The following JAK2 variants were observed in gnomAD, a reference collection of about 807,000 sequenced individuals.
The protein encoded by JAK2 is tyrosine-protein kinase JAK2.
A neutral mutation model predicts 139.3 loss-of-function variants in JAK2; 86 were observed. That is an observed-to-expected ratio of 0.62 (90% confidence interval 0.52 to 0.74). The LOEUF is 0.74. JAK2 is among the 30% of genes least tolerant of loss of function. The pLI is 0.00. For synonymous variants in JAK2, 490 were observed against 437.7 expected (o/e 1.12, Z -1.49); for missense variants, 1,421 against 1,360.3 (o/e 1.04, Z -0.70).
At chr9:5,111,684 G>T in intron 22 of JAK2, 1 of 425,382 alleles carries the variant, frequency 2.4e-6, no homozygotes, top group Non-Finnish European at 4.7e-6. Context: ...GTGGGCAGTG[G>T]CGGAGGCAGC....
intron 8 of JAK2, among the ~76,000 whole-genome samples, chr9:5,056,790 A>G (rs1817797461): frequency 6.6e-6 from 1 of 152,158 alleles, no homozygotes; most frequent in Admixed American, 6.6e-5. Flanking sequence ...ATGTGAACAA[A>G]CTGTAGTAAC....
At chr9:5,024,621 A>G (rs1042931474) in intron 3 of JAK2, among the ~76,000 whole-genome samples, 6 of 151,436 alleles carry the variant, frequency 4.0e-5, no homozygotes, top group Non-Finnish European at 8.8e-5. Context: ...TCCCAAATAA[A>G]CTCTCCTCTG....
At chr9:4,996,560 A>G (rs561704279) in intron 2 of JAK2, among the ~76,000 whole-genome samples, 5 of 151,512 alleles carry the variant, frequency 3.3e-5, no homozygotes, top group African/African-American at 1.2e-4. Flanking sequence ...GGTATTGTAG[A>G]TTTTTTGGTT....
At chr9:5,057,418 T>G (rs1427173391) in intron 8 of JAK2, among the ~76,000 whole-genome samples, 1 of 152,050 alleles carries the variant, frequency 6.6e-6, no homozygotes, top group Non-Finnish European at 1.5e-5. Flanking sequence ...AAATTTAGCA[T>G]CTTAACCATT....
chr9:5,106,217 C>T (rs889560028), intron 22 of JAK2, among the ~76,000 whole-genome samples: 1 of 152,058 alleles, frequency 6.6e-6, no homozygotes, highest in Non-Finnish European at 1.5e-5. Flanking sequence ...AAAAAACAAC[C>T]CCATCAAAAA....
chr9:5,002,539 T>A (rs962130943), intron 2 of JAK2, among the ~76,000 whole-genome samples: 5 of 152,026 alleles, frequency 3.3e-5, no homozygotes, highest in Non-Finnish European at 5.9e-5. Flanking sequence ...AATTGGTTTA[T>A]GGACCAACCT....
chr9:4,991,857 G>A (rs554789481), intron 2 of JAK2, among the ~76,000 whole-genome samples: 1 of 152,026 alleles, frequency 6.6e-6, no homozygotes, highest in East Asian at 1.9e-4. Context: ...TGCCTTCAAG[G>A]GCTTTACCAT....
rs1192059127 is a variant in JAK2, at chr9:5,073,745, T to A, written c.1824T>A (p.His608Gln). 16 of 1,612,586 alleles carry A rather than the reference T, an allele frequency of 9.9e-6. No homozygotes were observed. The highest frequency in any genetic ancestry group is 1.4e-5 in the Non-Finnish European group (16 of 1,179,088). ...TGATGAGCAAGCTTTCTCACAAGCA[T>A]TTGGTTTTAAATTATGGAGTATGTG... ...ASMMSKLSHK[H>Q]LVLNYGVCVC... The change falls in exon 14 of 25, where the codon CAT becomes CAA. Residue 608 changes from histidine (H) to glutamine (Q), a missense_variant. By Grantham distance (24) the His-to-Gln change is conservative. Coordinates refer to ENST00000381652, the MANE Select transcript of JAK2 (RefSeq NM_004972.4).
intron 4 of JAK2, among the ~76,000 whole-genome samples, chr9:5,042,151 G>T (rs1431942297): frequency 6.6e-5 from 8 of 120,878 alleles, no homozygotes; most frequent in East Asian, 2.4e-4. Flanking sequence ...TTTTTTTTGA[G>T]ACGGAGTCTC....
At chr9:5,120,948 A>G (rs905543529) in intron 22 of JAK2, among the ~76,000 whole-genome samples, 2 of 152,210 alleles carry the variant, frequency 1.3e-5, no homozygotes, top group African/African-American at 2.4e-5. Context: ...GAAATGTTCT[A>G]AAAGTCTGGA....
At chr9:5,089,195 TG>T (rs1820365771) in intron 19 of JAK2, among the ~76,000 whole-genome samples, 2 of 152,158 alleles carry the variant, frequency 1.3e-5, no homozygotes, top group South Asian at 4.1e-4. Flanking sequence ...ACCCACCTGT[TG>T]AGATAGTATT....
At chr9:5,091,037 A>C in intron 22 of JAK2, 126 bp downstream of exon 22, 1 of 730,850 alleles carries the variant, frequency 1.4e-6, no homozygotes. Flanking sequence ...TTTAAGTCTT[A>C]CATTTAACTT....
intron 6 of JAK2, among the ~76,000 whole-genome samples, chr9:5,052,983 AT>A (rs925177657): frequency 2.0e-5 from 3 of 151,688 alleles, no homozygotes; most frequent in African/African-American, 7.3e-5. Context: ...TTGTGGATGT[AT>A]TTTTTTCATT....
Position 5,101,599 on chromosome 9 carries a change from G to A in JAK2, c.3059+10688G>A, listed in dbSNP as rs546697198. On this transcript the variant is annotated intron_variant, in intron 22 of 24. Transcript: ENST00000381652. ...CAGGTGGATCCCTGATGCTTCTGTAGCCTAAGTGGGAGACACCTCCCAGTA... is the reference window on the plus strand; with the variant it reads ...CAGGTGGATCCCTGATGCTTCTGTAACCTAAGTGGGAGACACCTCCCAGTA... 1.5e-4 allele frequency among the ~76,000 whole-genome samples: 23 copies of A among 152,358 alleles called. No individual in the cohort carries two copies. In the South Asian group the frequency reaches 2.7e-3, roughly 18 times the overall value.
At chr9:4,992,037 A>G (rs2129727040) in intron 2 of JAK2, among the ~76,000 whole-genome samples, 1 of 152,334 alleles carries the variant, frequency 6.6e-6, no homozygotes, top group South Asian at 2.1e-4. Context: ...TAATTGAGAC[A>G]GGGCACACCA....
At chr9:5,050,305 ATCATT>A (rs1158729471) in intron 5 of JAK2, among the ~76,000 whole-genome samples, 1 of 152,162 alleles carries the variant, frequency 6.6e-6, no homozygotes, top group African/African-American at 2.4e-5. Context: ...TTATTTATTA[ATCATT>A]TTAGAGACTG....
chr9:5,028,098 G>A (rs565250630), intron 3 of JAK2, among the ~76,000 whole-genome samples: 1 of 152,250 alleles, frequency 6.6e-6, no homozygotes, highest in African/African-American at 2.4e-5. Context: ...ATCTGTGAGA[G>A]GAAACACTGT....
chr9:5,102,186 A>G (rs1821550174), intron 22 of JAK2, among the ~76,000 whole-genome samples: 1 of 152,216 alleles, frequency 6.6e-6, no homozygotes, highest in Non-Finnish European at 1.5e-5. Context: ...CAGTGTAGAG[A>G]AGACCTTAAA....
chr9:5,090,857 C>G lies in JAK2; in HGVS notation c.3005C>G (p.Pro1002Arg). 6.2e-7 allele frequency: 1 copy of G among 1,612,798 alleles called. No homozygotes were observed. Residue 1002 changes from proline (P) to arginine (R), a missense_variant, in exon 22 of 25, where the codon CCA becomes CGA. Transcript: ENST00000381652. ...GATTTTGGGTTAACCAAAGTCTTGC[C>G]ACAAGACAAAGAATACTATAAAGTA... is the stretch of plus-strand genomic sequence containing the variant. ...IGDFGLTKVL[P>R]QDKEYYKVKE...
Sources: gnomAD v4.1 joint callset for allele counts (sites outside exome capture counted in the v4.1 genomes callset) on GRCh38, gnomAD v4.1.1 for gene constraint, MANE v1.5 for transcripts, NCBI Gene and HGNC (gene_info 2026-07-23, HGNC 2026-07-21) for gene names.